Variants in EPB41L5 observed in about 807,000 individuals in gnomAD.
EPB41L5 encodes band 4.1-like protein 5.
Under a neutral mutation model 106.6 loss-of-function variants are expected in EPB41L5, and 55 were observed. The observed-to-expected ratio is 0.52, with a 90% confidence interval of 0.42 to 0.65. The LOEUF is 0.65. Among genes scored for constraint, EPB41L5 ranks in the 30% least tolerant of loss-of-function variants. EPB41L5 has a pLI of 0.00. For missense variants in EPB41L5, 871 were observed against 882.1 expected, an observed-to-expected ratio of 0.99 and a Z score of 0.16; for synonymous variants, 297 against 306.7, an observed-to-expected ratio of 0.97 and a Z score of 0.33.
At chr2:120,168,447 C>CATTTCAAGGCGTT (rs1292293188) in intron 24 of EPB41L5, among the ~76,000 whole-genome samples, 1 of 152,154 alleles carries the variant, frequency 6.6e-6, no homozygotes, top group Non-Finnish European at 1.5e-5. Flanking sequence ...GTTGTGAGCT[C>CATTTCAAGGCGTT]ATTTCAAGGC....
intron 18 of EPB41L5, among the ~76,000 whole-genome samples, chr2:120,141,154 A>G (rs1686157077): frequency 6.6e-6 from 1 of 152,112 alleles, no homozygotes; most frequent in South Asian, 2.1e-4. Context: ...CTGTTGGTTC[A>G]GTTCTAAAAA....
chr2:120,175,153 A>G lies in EPB41L5; in HGVS notation c.*246A>G, dbSNP rs1173086460. 6 of 460,150 alleles carry G rather than the reference A, an allele frequency of 1.3e-5. No individual in the cohort carries two copies. The highest frequency in any genetic ancestry group is 2.0e-5 in the Non-Finnish European group (5 of 251,888). 28.5% of individuals were successfully genotyped at this position (460,150 alleles called of 1,614,324 possible). ...TTTCTATACTTTTATAAATGTTACA[A>G]ATTCCCGAAAGAAGGGAATTTCTTT... On this transcript the variant is annotated 3_prime_UTR_variant, in exon 25 of 25. Transcript: ENST00000263713.
intron 10 of EPB41L5, among the ~76,000 whole-genome samples, chr2:120,079,378 C>T (rs1221616421): frequency 1.3e-5 from 2 of 152,150 alleles, no homozygotes; most frequent in Non-Finnish European, 2.9e-5. Flanking sequence ...ACCCCAAAAC[C>T]ACTGCTGCCT....
chr2:120,173,768 C>A (rs1280565777), intron 24 of EPB41L5, among the ~76,000 whole-genome samples: 1 of 152,190 alleles, frequency 6.6e-6, no homozygotes, highest in Non-Finnish European at 1.5e-5. Flanking sequence ...CTGCAACCTC[C>A]AATTCCTGGG....
At chr2:120,167,377 A>G in intron 22 of EPB41L5, 89 bp from the exon 23 acceptor site, 1 of 1,144,248 alleles carries the variant, frequency 8.7e-7, no homozygotes, top group South Asian at 1.3e-5. Flanking sequence ...CCTAGAATGG[A>G]TTTCATAATA....
intron 16 of EPB41L5, chr2:120,106,006 C>T (rs1324195950): frequency 3.0e-6 from 3 of 984,972 alleles, no homozygotes; most frequent in Non-Finnish European, 3.6e-6. Context: ...TCTTAATCTG[C>T]AGGACATGCT....
intron 22 of EPB41L5, among the ~76,000 whole-genome samples, chr2:120,165,466 G>A (rs1467620205): frequency 6.6e-6 from 1 of 152,172 alleles, no homozygotes; most frequent in Non-Finnish European, 1.5e-5. Context: ...CTAATGCAGT[G>A]TAAATGCTGG....
intron 22 of EPB41L5, 71 bp downstream of exon 22, chr2:120,164,981 TTTTTTCC>T: frequency 8.6e-7 from 1 of 1,159,804 alleles, no homozygotes; most frequent in Non-Finnish European, 1.2e-6. Flanking sequence ...TAGATTCCAG[TTTTTTCC>T]TTTTTAATAA....
At position 120,073,164 on chromosome 2, in the gene EPB41L5, T is replaced by A. The variant is rs1218100935; in HGVS notation, c.286-14T>A. Reference sequence around the variant, plus strand: ...TGTCATCTGCTTAACTAAATTTTTGTTTTTGTTTTTCAGCATTGGTTGGAT... The same window carrying A: ...TGTCATCTGCTTAACTAAATTTTTGATTTTGTTTTTCAGCATTGGTTGGAT... On this transcript the variant is annotated splice_polypyrimidine_tract_variant and intron_variant, in intron 3 of 24. Coordinates refer to ENST00000263713, the MANE Select transcript of EPB41L5 (RefSeq NM_020909.4). The A allele has an allele frequency of 1.2e-6, 2 of 1,600,452 alleles. No homozygotes were observed. The highest frequency in any genetic ancestry group is 1.7e-6 in the Non-Finnish European group (2 of 1,176,922).
At chr2:120,043,280 C>T (rs553836842) in intron 3 of EPB41L5, among the ~76,000 whole-genome samples, 4 of 152,154 alleles carry the variant, frequency 2.6e-5, no homozygotes, top group African/African-American at 7.2e-5. Flanking sequence ...GTGGCTCACA[C>T]CTGTAATCCC....
intron 2 of EPB41L5, among the ~76,000 whole-genome samples, chr2:120,032,966 GT>G (rs1425757571): frequency 6.6e-6 from 1 of 152,106 alleles, no homozygotes; most frequent in Non-Finnish European, 1.5e-5. Context: ...TGTCAAAAAT[GT>G]TTTTTTCCTG....
At chr2:120,071,105 A>G (rs1405839583) in intron 3 of EPB41L5, among the ~76,000 whole-genome samples, 2 of 152,224 alleles carry the variant, frequency 1.3e-5, no homozygotes, top group Non-Finnish European at 2.9e-5. Flanking sequence ...TCTCAGCCCA[A>G]AATCTCCTTA....
intron 2 of EPB41L5, among the ~76,000 whole-genome samples, chr2:120,026,456 C>T (rs879622589): frequency 2.0e-5 from 3 of 152,144 alleles, no homozygotes; most frequent in Non-Finnish European, 4.4e-5. Context: ...GCGATCTCTG[C>T]CTCCTGGCTT....
intron 2 of EPB41L5, among the ~76,000 whole-genome samples, chr2:120,040,990 A>G (rs1315418364): frequency 6.6e-6 from 1 of 152,154 alleles, no homozygotes; most frequent in Non-Finnish European, 1.5e-5. Context: ...GAGGATCCCA[A>G]CAATGCTTTT....
At chr2:120,159,197 G>T (rs1258576704) in intron 20 of EPB41L5, among the ~76,000 whole-genome samples, 1 of 151,620 alleles carries the variant, frequency 6.6e-6, no homozygotes, top group Non-Finnish European at 1.5e-5. Flanking sequence ...GGCCGAGGCG[G>T]GTGGATCACG....
At chr2:120,074,028 C>A (rs1284175428) in intron 4 of EPB41L5, 72 bp from the exon 5 acceptor site, 1 of 1,180,022 alleles carries the variant, frequency 8.5e-7, no homozygotes, top group Non-Finnish European at 1.2e-6. Flanking sequence ...AGATTTTTGA[C>A]CAGTTTTCTG....
chr2:120,166,385 T>C (rs921244402), intron 22 of EPB41L5, among the ~76,000 whole-genome samples: 3 of 152,158 alleles, frequency 2.0e-5, no homozygotes, highest in Non-Finnish European at 4.4e-5. Context: ...CTATTATTTA[T>C]GATATTTTTT....
At chr2:120,145,554 C>T (rs949823906) in intron 19 of EPB41L5, among the ~76,000 whole-genome samples, 4 of 151,922 alleles carry the variant, frequency 2.6e-5, no homozygotes, top group Non-Finnish European at 4.4e-5. Context: ...AATATTGAGG[C>T]GGGGAGTGGG....
intron 3 of EPB41L5, among the ~76,000 whole-genome samples, chr2:120,051,805 G>T (rs1337010529): frequency 6.8e-6 from 1 of 147,220 alleles, no homozygotes; most frequent in Admixed American, 7.0e-5. Context: ...GTTCTTATTC[G>T]GCCATCTTGG....
Sources: gnomAD v4.1 joint callset for allele counts (sites outside exome capture counted in the v4.1 genomes callset) on GRCh38, gnomAD v4.1.1 for gene constraint, MANE v1.5 for transcripts, NCBI Gene and HGNC (gene_info 2026-07-23, HGNC 2026-07-21) for gene names.